The following EVI5 variants were observed in gnomAD, a reference collection of about 807,000 sequenced individuals.
EVI5 encodes ecotropic viral integration site 5.
EVI5 carries 73 observed loss-of-function variants against 112.0 expected under a neutral mutation model. That is an observed-to-expected ratio of 0.65 (90% CI 0.54 to 0.79). EVI5 has a LOEUF of 0.79. Among genes scored for constraint, EVI5 ranks in the 30% least tolerant of loss-of-function variants. The pLI, the probability that EVI5 is intolerant of heterozygous loss-of-function variation, is 0.00. For synonymous variants in EVI5, 305 were observed against 319.9 expected, an observed-to-expected ratio of 0.95 and a Z score of 0.50; for missense variants, 900 against 968.8, an observed-to-expected ratio of 0.93 and a Z score of 0.94.
intron 16 of EVI5, among the ~76,000 whole-genome samples, chr1:92,617,558 ATGAACAAAGTGGCCATGG>A (rs1268643615): frequency 6.6e-6 from 1 of 152,166 alleles, no homozygotes; most frequent in Non-Finnish European, 1.5e-5. Flanking sequence ...CAATAAGCCC[ATGAACAAAGTGGCCATGG>A]TGGCAGGGAT....
At chr1:92,788,021 G>A (rs1392235876), upstream of EVI5, among the ~76,000 whole-genome samples, 1 of 152,054 alleles carries the variant, frequency 6.6e-6, no homozygotes, top group Non-Finnish European at 1.5e-5. Flanking sequence ...GTGGTTCCCT[G>A]TGGCAGGGGA....
At chr1:92,618,294 CTAGAGGTCT>C (rs1226874736) in intron 16 of EVI5, among the ~76,000 whole-genome samples, 2 of 152,090 alleles carry the variant, frequency 1.3e-5, no homozygotes, top group African/African-American at 4.8e-5. Context: ...TTCTGCTGGC[CTAGAGGTCT>C]TAGTTCCAGA....
chr1:92,632,157 C>G (rs1216590157), intron 14 of EVI5, among the ~76,000 whole-genome samples: 1 of 152,100 alleles, frequency 6.6e-6, no homozygotes, highest in Non-Finnish European at 1.5e-5. Flanking sequence ...TTCATTGTGT[C>G]TCTGCCAACC....
intron 18 of EVI5, among the ~76,000 whole-genome samples, chr1:92,601,900 T>C (rs1018684717): frequency 6.6e-6 from 1 of 152,228 alleles, no homozygotes; most frequent in Admixed American, 6.5e-5. Context: ...TATAGAAATA[T>C]GGCAAATTCT....
intron 10 of EVI5, among the ~76,000 whole-genome samples, chr1:92,674,760 T>C (rs1666446173): frequency 1.3e-5 from 2 of 151,764 alleles, no homozygotes; most frequent in Admixed American, 6.6e-5. Context: ...AGTATAGTCA[T>C]TCAAAAGTTG....
At chr1:92,568,097 G>C (rs1160638256) in intron 18 of EVI5, among the ~76,000 whole-genome samples, 1 of 151,866 alleles carries the variant, frequency 6.6e-6, no homozygotes, top group African/African-American at 2.4e-5. Flanking sequence ...TTTCTGGCTG[G>C]GCGTGGTGGC....
At chr1:92,664,857 T>C (rs553596436) in intron 11 of EVI5, among the ~76,000 whole-genome samples, 1 of 152,312 alleles carries the variant, frequency 6.6e-6, no homozygotes, top group South Asian at 2.1e-4. Context: ...TTTAAGATCC[T>C]TGGCAATATG....
intron 19 of EVI5, among the ~76,000 whole-genome samples, chr1:92,560,294 A>G (rs1354942811): frequency 2.6e-5 from 4 of 152,242 alleles, no homozygotes; most frequent in African/African-American, 9.6e-5. Context: ...CAAGCAAGAC[A>G]CAAAAGAAAA....
chr1:92,558,504 A>C (rs1668015575), intron 19 of EVI5, among the ~76,000 whole-genome samples: 1 of 152,160 alleles, frequency 6.6e-6, no homozygotes, highest in African/African-American at 2.4e-5. Context: ...GAGCCAATGA[A>C]TGTTTTTTGT....
chr1:92,678,136 A>C lies in EVI5; in HGVS notation c.1098-918T>G, dbSNP rs572852001. Among the ~76,000 whole-genome samples, 13 of 152,332 alleles carry C rather than the reference A, an allele frequency of 8.5e-5. No homozygotes were observed. The East Asian group carries it at 2.5e-3, about 29-fold the overall frequency. Reference sequence around the variant, plus strand: ...CTATCTGGGTGATGGGATCATTCATATCTCAAACCTCAGCATCATGCAATA... The same window carrying C: ...CTATCTGGGTGATGGGATCATTCATCTCTCAAACCTCAGCATCATGCAATA... On this transcript the variant is annotated intron_variant, in intron 9 of 19. Coordinates refer to ENST00000684568, the MANE Select transcript of EVI5 (RefSeq NM_001350197.2).
At position 92,566,804 on chromosome 1, in the gene EVI5, T is replaced by A. The variant is rs534008925; in HGVS notation, c.2071-3067A>T. Among the ~76,000 whole-genome samples, 694 of 90,614 alleles carry A rather than the reference T, an allele frequency of 7.7e-3. 4 individuals are homozygous for A. Among genetic ancestry groups the A allele is most frequent in the Non-Finnish European group, 0.013 (530 of 42,038 alleles). The allele number at this position is 90,614 out of a possible 152,430, so 59.4% of individuals were successfully genotyped here. On this transcript the variant is annotated intron_variant, in intron 18 of 19. Transcript: ENST00000684568. ...AGCAGAGAATAATGTGTGTGCCTGC[T>A]TTTTTTTTTTTTTTTTTTTTTTTGA...
At chr1:92,586,411 T>C (rs759522742) in intron 18 of EVI5, among the ~76,000 whole-genome samples, 19 of 152,164 alleles carry the variant, frequency 1.2e-4, no homozygotes, top group Non-Finnish European at 1.3e-4. Flanking sequence ...TATAGGCTCA[T>C]GGATATTTAT....
chr1:92,716,848 G>A (rs572008007), intron 2 of EVI5, among the ~76,000 whole-genome samples: 14 of 130,728 alleles, frequency 1.1e-4, no homozygotes, highest in Non-Finnish European at 1.6e-4. Flanking sequence ...TAGCCAATTC[G>A]ATTCTAAAAA....
At chr1:92,690,164 C>T (rs1191594166) in intron 9 of EVI5, among the ~76,000 whole-genome samples, 1 of 152,110 alleles carries the variant, frequency 6.6e-6, no homozygotes, top group African/African-American at 2.4e-5. Flanking sequence ...GGGTGTGAGC[C>T]ACCACGCCTG....
chr1:92,588,251 C>T (rs746142292), intron 18 of EVI5, among the ~76,000 whole-genome samples: 4 of 152,088 alleles, frequency 2.6e-5, no homozygotes, highest in Non-Finnish European at 5.9e-5. Flanking sequence ...ATGCTCAAAA[C>T]CCTCCAATGA....
At chr1:92,567,017 G>C (rs573327368) in intron 18 of EVI5, among the ~76,000 whole-genome samples, 5 of 152,118 alleles carry the variant, frequency 3.3e-5, no homozygotes, top group Non-Finnish European at 7.4e-5. Context: ...ACATTGGCCA[G>C]TCTGGTCTTG....
At chr1:92,629,398 G>A (rs1355221559) in intron 14 of EVI5, among the ~76,000 whole-genome samples, 2 of 152,146 alleles carry the variant, frequency 1.3e-5, no homozygotes, top group Admixed American at 1.3e-4. Flanking sequence ...ACGACACAGA[G>A]CCCAGGCCAC....
chr1:92,620,226 C>T (rs760921364), intron 16 of EVI5, among the ~76,000 whole-genome samples: 2 of 151,830 alleles, frequency 1.3e-5, no homozygotes, highest in African/African-American at 4.8e-5. Context: ...TGCCTGTAAT[C>T]CCAGTTACTT....
At chr1:92,666,154 A>G (rs939791946) in intron 10 of EVI5, among the ~76,000 whole-genome samples, 162 bp from the exon 11 acceptor site, 1 of 152,030 alleles carries the variant, frequency 6.6e-6, no homozygotes, top group Admixed American at 6.5e-5. Flanking sequence ...AAATACACAG[A>G]AGGCAGGGCA....
Sources: gnomAD v4.1 joint callset for allele counts (sites outside exome capture counted in the v4.1 genomes callset) on GRCh38, gnomAD v4.1.1 for gene constraint, MANE v1.5 for transcripts, NCBI Gene and HGNC (gene_info 2026-07-23, HGNC 2026-07-21) for gene names.